The following GBP6 variants were observed in gnomAD, a reference collection of about 807,000 sequenced individuals.
The protein encoded by GBP6 is guanylate-binding protein 6.
Under a neutral mutation model 61.5 loss-of-function variants are expected in GBP6, and 54 were observed. The observed-to-expected ratio is 0.88, with a 90% confidence interval of 0.71 to 1.10. GBP6 has a LOEUF of 1.10. Among genes scored for constraint, GBP6 ranks in the 50% least tolerant of loss-of-function variants. The probability of loss-of-function intolerance (pLI) is 0.00; values close to 1 mark genes in which losing one functional copy is unlikely to be tolerated. For synonymous variants in GBP6, 255 were observed against 273.7 expected, an observed-to-expected ratio of 0.93 and a Z score of 0.67; for missense variants, 748 against 752.8, an observed-to-expected ratio of 0.99 and a Z score of 0.07.
chr1:89,367,756 G>A (rs1652504543), intron 1 of GBP6, among the ~76,000 whole-genome samples: 1 of 152,136 alleles, frequency 6.6e-6, no homozygotes, highest in Non-Finnish European at 1.5e-5. Context: ...AAGGTAGGCA[G>A]AACAGAAACC....
chr1:89,385,430 T>G lies in GBP6; in HGVS notation c.1863T>G (p.Gly621=). The part of the protein sequence containing the change: ...PAKLIGHGVK[G]VSSLFKKHKL... The stretch of plus-strand genomic sequence containing the variant: ...AATTAATTGGTCATGGTGTCAAAGG[T>G]GTGAGCTCACTCTTTAAAAAGCATA... The change falls in exon 11 of 11, where the codon GGT becomes GGG. Residue 621 remains glycine, a synonymous_variant. Transcript: ENST00000370456. 1 of 1,614,152 alleles carries G rather than the reference T, an allele frequency of 6.2e-7. No individual in the cohort carries two copies. The highest frequency in any genetic ancestry group is 8.5e-7 in the Non-Finnish European group (1 of 1,179,966).
In GBP6 at chr1:89,385,700, T is replaced by C. The variant is rs529311676; in HGVS notation, c.*231T>C. 20 of 366,876 alleles carry C rather than the reference T, an allele frequency of 5.5e-5. No homozygotes were observed. The East Asian group carries it at 9.4e-4, about 17-fold the overall frequency. The allele number at this position is 366,876 out of a possible 1,614,324, so 22.7% of individuals were successfully genotyped here. ...GGTGTACACCACCACACCCAGCTAA[T>C]TTTTGTATTTTTAGTAGAGATGGGG... On this transcript the variant is annotated 3_prime_UTR_variant, in exon 11 of 11. Transcript: ENST00000370456.
At chr1:89,364,503 G>A (rs754439560) in intron 1 of GBP6, among the ~76,000 whole-genome samples, 1 of 152,088 alleles carries the variant, frequency 6.6e-6, no homozygotes, top group African/African-American at 2.4e-5. Flanking sequence ...TCTTTCTAGT[G>A]GTCACACTTA....
intron 3 of GBP6, 114 bp from the exon 4 acceptor site, chr1:89,377,989 T>G: frequency 1.1e-6 from 1 of 947,920 alleles, no homozygotes; most frequent in Non-Finnish European, 1.6e-6. Context: ...GTCTATGTTC[T>G]TTGTACAGCA....
chr1:89,374,783 A>AGC (rs540032320), intron 3 of GBP6, among the ~76,000 whole-genome samples: 84 of 152,176 alleles, frequency 5.5e-4, no homozygotes, highest in African/African-American at 1.9e-3. Context: ...TTTTAACTTC[A>AGC]GCGGTACATG....
chr1:89,380,239 G>A (rs1446325039), intron 5 of GBP6, 147 bp from the exon 6 acceptor site: 3 of 631,612 alleles, frequency 4.7e-6, no homozygotes, highest in East Asian at 5.4e-5. Flanking sequence ...TAGCATCAAT[G>A]TGCACAGAAG....
At position 89,384,306 on chromosome 1, in the gene GBP6, C is replaced by A. The variant is rs1301699797; in HGVS notation, c.1662+20C>A. ...CAGAAGGTAAGTCTGCCCTTGGCCT[C>A]AGCAGGCCAGACGGTCCTCACCCAG... On this transcript the variant is annotated intron_variant, in intron 10 of 10. Coordinates refer to ENST00000370456, the MANE Select transcript of GBP6 (RefSeq NM_198460.3). 1 of 1,588,774 alleles carries A rather than the reference C, an allele frequency of 6.3e-7. No homozygotes were observed. The highest frequency in any genetic ancestry group is 8.6e-7 in the Non-Finnish European group (1 of 1,167,254).
intron 9 of GBP6, 98 bp downstream of exon 9, chr1:89,383,852 CT>C: frequency 1.0e-6 from 1 of 982,418 alleles, no homozygotes; most frequent in Non-Finnish European, 1.5e-6. Context: ...GGAATTTCCT[CT>C]TCTGTGGAAC....
rs544988087 is a variant in GBP6, at chr1:89,381,709, C to T, written c.887C>T (p.Ala296Val). ...GTTCATTTAGGTCTGGGAACTCTGGCAGTGACTTATGTAGAGGCCATCAAC... is the reference window on the plus strand; with the variant it reads ...GTTCATTTAGGTCTGGGAACTCTGGTAGTGACTTATGTAGAGGCCATCAAC... ...TVTGNRLGTL[A>V]VTYVEAINSG... Residue 296 changes from alanine (A) to valine (V), a missense_variant, in exon 7 of 11, where the codon GCA (alanine) becomes GTA (valine). Coordinates refer to ENST00000370456, the MANE Select transcript of GBP6 (RefSeq NM_198460.3). The T allele has an allele frequency of 1.2e-6, 2 of 1,605,266 alleles. No individual in the cohort carries two copies. The highest frequency in any genetic ancestry group is 1.3e-5 in the African/African-American group (1 of 74,848).
chr1:89,378,004 C>T (rs916240929), intron 3 of GBP6, 99 bp from the exon 4 acceptor site: 2 of 1,068,226 alleles, frequency 1.9e-6, no homozygotes, highest in African/African-American at 3.2e-5. Context: ...ACAGCAAGTA[C>T]ATTAGCTGAA....
At chr1:89,370,384 C>T (rs1652594670) in intron 3 of GBP6, among the ~76,000 whole-genome samples, 1 of 152,144 alleles carries the variant, frequency 6.6e-6, no homozygotes, top group Admixed American at 6.6e-5. Context: ...TAGGAGAGTT[C>T]AGTTTATATT....
At chr1:89,371,114 C>T (rs1289210304) in intron 3 of GBP6, among the ~76,000 whole-genome samples, 1 of 152,204 alleles carries the variant, frequency 6.6e-6, no homozygotes, top group Admixed American at 6.5e-5. Flanking sequence ...CTATGTCTGA[C>T]TTATTTCACT....
At chr1:89,375,254 T>C (rs1465605601) in intron 3 of GBP6, among the ~76,000 whole-genome samples, 1 of 151,942 alleles carries the variant, frequency 6.6e-6, no homozygotes, top group Non-Finnish European at 1.5e-5. Flanking sequence ...TGGCCAACAA[T>C]CATATGAAAA....
rs1570474206 is a variant in GBP6, at chr1:89,386,216, A to G, written c.*747A>G. The G allele has an allele frequency of 6.6e-6, 1 of 152,160 alleles. No individual in the cohort carries two copies. Among genetic ancestry groups the G allele is most frequent in the East Asian group, 1.9e-4 (1 of 5,184 alleles). The allele number at this position is 152,160 out of a possible 1,614,324, so 9.4% of individuals were successfully genotyped here. A position where few individuals can be genotyped will look rare whatever the true frequency, so the allele number is the denominator to read the frequency against. On this transcript the variant is annotated 3_prime_UTR_variant, in exon 11 of 11. Coordinates refer to ENST00000370456, the MANE Select transcript of GBP6 (RefSeq NM_198460.3). The stretch of plus-strand genomic sequence containing the variant: ...AATGTAGATTATCTTATCAGCATGG[A>G]AAAAATGCAATTATTATATGGAAGC...
At chr1:89,383,852 C>A in intron 9 of GBP6, 98 bp downstream of exon 9, 1 of 982,410 alleles carries the variant, frequency 1.0e-6, no homozygotes, top group Non-Finnish European at 1.5e-6. Flanking sequence ...GGAATTTCCT[C>A]TTCTGTGGAA....
At chr1:89,377,727 T>C (rs1652845187) in intron 3 of GBP6, among the ~76,000 whole-genome samples, 1 of 152,182 alleles carries the variant, frequency 6.6e-6, no homozygotes, top group African/African-American at 2.4e-5. Flanking sequence ...ATAATTACAA[T>C]CCCCAGTTAT....
intron 1 of GBP6, among the ~76,000 whole-genome samples, chr1:89,365,321 T>A (rs1652441197): frequency 6.6e-6 from 1 of 152,222 alleles, no homozygotes; most frequent in African/African-American, 2.4e-5. Flanking sequence ...AGCAGCCACA[T>A]CTTCCTAGAG....
chr1:89,364,989 A>T (rs929465799), intron 1 of GBP6, among the ~76,000 whole-genome samples: 1 of 49,208 alleles, frequency 2.0e-5, no homozygotes, highest in Admixed American at 2.0e-4. Context: ...TGAGTTTCCC[A>T]CCCCCACCCC....
intron 1 of GBP6, among the ~76,000 whole-genome samples, chr1:89,367,203 G>C (rs372625831): frequency 1.1e-4 from 17 of 152,266 alleles, no homozygotes; most frequent in Admixed American, 5.9e-4. Flanking sequence ...AATGTTAATT[G>C]TATGTTTGGT....
Sources: allele counts gnomAD v4.1 joint callset (sites outside exome capture counted in the v4.1 genomes callset), GRCh38; gene constraint gnomAD v4.1.1; transcripts MANE v1.5; gene names NCBI Gene and HGNC (gene_info 2026-07-23, HGNC 2026-07-21).